Variants in TBC1D5 observed in about 807,000 individuals in gnomAD.
The protein encoded by TBC1D5 is TBC1 domain family, member 5.
A neutral mutation model predicts 100.3 loss-of-function variants in TBC1D5; 75 were observed. The observed-to-expected ratio is 0.75, with a 90% CI of 0.62 to 0.91. The LOEUF is 0.91. Ranked by LOEUF, TBC1D5 falls within the 40% of genes least tolerant of loss-of-function variation. The pLI is 0.00. For missense variants in TBC1D5, 910 were observed against 942.4 expected, an observed-to-expected ratio of 0.97 and a Z score of 0.45; for synonymous variants, 323 against 325.6, an observed-to-expected ratio of 0.99 and a Z score of 0.09.
chr3:17,562,258 T>C (rs1332813891), intron 2 of TBC1D5: 1 of 152,122 alleles, frequency 6.6e-6, no homozygotes, highest in Non-Finnish European at 1.5e-5. Flanking sequence ...ATAGTATTTA[T>C]AATGGCAAAA....
At chr3:17,588,268 A>AG (rs2096744931) in intron 2 of TBC1D5, among the ~76,000 whole-genome samples, 1 of 151,906 alleles carries the variant, frequency 6.6e-6, no homozygotes, top group Non-Finnish European at 1.5e-5. Flanking sequence ...AAAAAAAAAA[A>AG]AGAGAACACT....
intron 2 of TBC1D5, among the ~76,000 whole-genome samples, chr3:17,616,848 C>A (rs2062208257): frequency 6.6e-6 from 1 of 152,076 alleles, no homozygotes; most frequent in African/African-American, 2.4e-5. Context: ...ATCCAATTTG[C>A]CAGTCCGTGT....
rs557793959 is a variant in TBC1D5 at position 17,488,875 on chromosome 3, G to A, written c.97+19599C>T. Among the ~76,000 whole-genome samples, 4 of 150,970 alleles carry A rather than the reference G, an allele frequency of 2.6e-5. No individual in the cohort carries two copies. In the South Asian group the frequency reaches 8.4e-4, roughly 32 times the overall value. ...CTCTGCCTTCCGTCAGATCTGATGT[G>A]GCATTAGATTCTCATAGAAGCACAA... is the stretch of plus-strand genomic sequence containing the variant. On this transcript the variant is annotated intron_variant, in intron 3 of 21. Coordinates refer to ENST00000253692, the Ensembl canonical transcript of TBC1D5.
intron 4 of TBC1D5, among the ~76,000 whole-genome samples, chr3:17,412,589 G>C (rs2093958544): frequency 2.6e-5 from 4 of 152,044 alleles, no homozygotes; most frequent in Admixed American, 2.6e-4. Context: ...AAAAGTAGTT[G>C]CTAAACTTAT....
chr3:17,427,774 T>C (rs949855432), intron 4 of TBC1D5, among the ~76,000 whole-genome samples: 13 of 151,950 alleles, frequency 8.6e-5, no homozygotes, highest in Admixed American at 3.3e-4. Context: ...TGGTTCTGTA[T>C]ACAGATTTTC....
At chr3:17,439,112 C>T (rs1423645238) in intron 3 of TBC1D5, among the ~76,000 whole-genome samples, 1 of 152,062 alleles carries the variant, frequency 6.6e-6, no homozygotes, top group Admixed American at 6.5e-5. Context: ...ATCCTTGGGG[C>T]ACTACTCATT....
intron 2 of TBC1D5, among the ~76,000 whole-genome samples, chr3:17,520,688 T>A (rs2096055119): frequency 6.6e-6 from 1 of 152,062 alleles, no homozygotes; most frequent in African/African-American, 2.4e-5. Context: ...TAAATAAATA[T>A]AAGTAAATAA....
At chr3:17,363,874 A>G (rs538120239) in intron 13 of TBC1D5, among the ~76,000 whole-genome samples, 2 of 152,076 alleles carry the variant, frequency 1.3e-5, no homozygotes, top group Admixed American at 6.5e-5. Context: ...TTAGTATTTT[A>G]TTCTTCATAT....
At position 17,362,114 on chromosome 3, in the gene TBC1D5, C is replaced by T. The variant is rs9828968; in HGVS notation, c.995+9961G>A. 1.1e-3 allele frequency among the ~76,000 whole-genome samples: 173 copies of T among 151,948 alleles called. 1 individual carries two copies. Among genetic ancestry groups the T allele is most frequent in the African/African-American group, 3.9e-3 (161 of 41,486 alleles). On this transcript the variant is annotated intron_variant, in intron 13 of 21. Coordinates refer to ENST00000253692, the Ensembl canonical transcript of TBC1D5. ...TATTTAAAAAAGAAAAAAAGTTGAC[C>T]AATACCTTTTACCTTACATAAAAAT...
intron 8 of TBC1D5, among the ~76,000 whole-genome samples, chr3:17,389,967 A>C (rs534873540): frequency 6.6e-6 from 1 of 152,218 alleles, no homozygotes; most frequent in East Asian, 1.9e-4. Context: ...ATCCTTCATC[A>C]ATTTTTAGCT....
At chr3:17,639,844 G>GT (rs2064325822) in intron 1 of TBC1D5, among the ~76,000 whole-genome samples, 1 of 152,064 alleles carries the variant, frequency 6.6e-6, no homozygotes, top group African/African-American at 2.4e-5. Flanking sequence ...ATAGCAAATA[G>GT]GTTTCACTCA....
chr3:17,501,596 T>TC lies in TBC1D5; in HGVS notation c.97+6877dup, dbSNP rs1416843199. On this transcript the variant is annotated intron_variant, in intron 3 of 21. Transcript: ENST00000253692. ...TACTCTTCCTTCTCCCTTGACTCCA[T>TC]CCCTTCTAAAATTGTCTACCCTGCC... Among the ~76,000 whole-genome samples the TC allele has an allele frequency of 2.7e-5, 4 of 148,938 alleles. 1 individual carries two copies. The highest frequency in any genetic ancestry group is 2.9e-5 in the Non-Finnish European group (2 of 67,852).
intron 3 of TBC1D5, among the ~76,000 whole-genome samples, chr3:17,444,618 A>G (rs1326871097): frequency 6.6e-6 from 1 of 152,084 alleles, no homozygotes; most frequent in Admixed American, 6.6e-5. Flanking sequence ...TTGGTTGATC[A>G]AAAAGTATTA....
At chr3:17,462,748 C>T (rs1431323296) in intron 3 of TBC1D5, among the ~76,000 whole-genome samples, 4 of 152,274 alleles carry the variant, frequency 2.6e-5, no homozygotes, top group East Asian at 1.9e-4. Context: ...TGAACTGAAG[C>T]AGATCTTCTC....
rs1157084555 is a variant in TBC1D5 at position 17,296,075 on chromosome 3, G to A, written c.1139-4074C>T. Among the ~76,000 whole-genome samples, 5 of 151,954 alleles carry A rather than the reference G, an allele frequency of 3.3e-5. No homozygotes were observed. In the South Asian group the frequency reaches 6.2e-4, roughly 19 times the overall value. ...TTAGCAAGTTCATGACAGGGGTATC[G>A]GTACAAACTGAAAAAAGTCCTCAGT... On this transcript the variant is annotated intron_variant, in intron 14 of 21. Coordinates refer to ENST00000253692, the Ensembl canonical transcript of TBC1D5.
intron 3 of TBC1D5, among the ~76,000 whole-genome samples, chr3:17,491,829 G>A (rs746157834): frequency 2.0e-4 from 31 of 152,142 alleles, no homozygotes; most frequent in Non-Finnish European, 3.8e-4. Context: ...GAGTTAGGGA[G>A]GAGTCCCTCC....
intron 13 of TBC1D5, among the ~76,000 whole-genome samples, chr3:17,364,326 T>G (rs576459047): frequency 6.6e-6 from 1 of 152,284 alleles, no homozygotes; most frequent in African/African-American, 2.4e-5. Flanking sequence ...TCTCATGTAC[T>G]CAAAAATTAT....
chr3:17,636,275 T>A (rs1460667214), intron 1 of TBC1D5, among the ~76,000 whole-genome samples: 1 of 152,104 alleles, frequency 6.6e-6, no homozygotes, highest in Non-Finnish European at 1.5e-5. Context: ...GAAAAGTTAA[T>A]AAAGCAGAAG....
At chr3:17,733,200 C>T (rs893169220) in intron 1 of TBC1D5, among the ~76,000 whole-genome samples, 11 of 152,148 alleles carry the variant, frequency 7.2e-5, no homozygotes, top group African/African-American at 2.4e-4. Flanking sequence ...CTACCTCTCC[C>T]GTTCTGTCCT....
Sources: allele counts gnomAD v4.1 joint callset (sites outside exome capture counted in the v4.1 genomes callset), GRCh38; gene constraint gnomAD v4.1.1; transcripts MANE v1.5; gene names NCBI Gene and HGNC (gene_info 2026-07-23, HGNC 2026-07-21).